AUNIP: variants seen among roughly 807,000 people sequenced by gnomAD.
AUNIP encodes aurora kinase A- and ninein-interacting protein.
A neutral mutation model predicts 12.2 loss-of-function variants in AUNIP; 16 were observed. The ratio of observed to expected loss-of-function variants is 1.31; its 90% CI spans 0.88 to 1.99. AUNIP has a LOEUF of 1.99. Ranked by LOEUF, AUNIP falls within the 30% of genes most tolerant of loss-of-function variation. The probability of loss-of-function intolerance (pLI) is 0.00; values close to 1 mark genes in which losing one functional copy is unlikely to be tolerated. For synonymous variants in AUNIP, 142 were observed against 154.8 expected, an observed-to-expected ratio of 0.92 and a Z score of 0.61; for missense variants, 411 against 419.1, an observed-to-expected ratio of 0.98 and a Z score of 0.17.
chr1:25,841,296 G>T (rs947758968), intron 1 of AUNIP, among the ~76,000 whole-genome samples: 5 of 152,192 alleles, frequency 3.3e-5, no homozygotes, highest in Non-Finnish European at 7.4e-5. Context: ...AATAAAGGCG[G>T]CTGTTTGTAT....
chr1:25,848,883 G>T (rs1028122885), intron 1 of AUNIP, among the ~76,000 whole-genome samples: 1 of 152,254 alleles, frequency 6.6e-6, no homozygotes, highest in African/African-American at 2.4e-5. Flanking sequence ...GACACCGGAA[G>T]ATTTAGGCTT....
rs1161281554 is a variant in AUNIP, at chr1:25,835,735, G to A, written c.332C>T (p.Ala111Val). 1.2e-6 allele frequency: 2 copies of A among 1,614,104 alleles called. No homozygotes were observed. The highest frequency in any genetic ancestry group is 1.7e-6 in the Non-Finnish European group (2 of 1,180,054). ...TAAAGGGGATGCCATGCAATCGTGT[G>A]CTAAGCCTGGGATCAAATGGTCTAG... is the stretch of plus-strand genomic sequence containing the variant. Reference protein sequence around the residue: ...TQLDHLIPGLAHDCMASPLAT... With the variant: ...TQLDHLIPGLVHDCMASPLAT... Residue 111 changes from alanine (A) to valine (V), a missense_variant, in exon 3 of 3, where the codon GCA (alanine) becomes GTA (valine). By Grantham distance (64) the Ala-to-Val change is moderately conservative (BLOSUM62 0). Transcript: ENST00000374298.
intron 1 of AUNIP, among the ~76,000 whole-genome samples, chr1:25,854,985 C>G (rs1198910257): frequency 3.3e-5 from 4 of 122,458 alleles, no homozygotes; most frequent in African/African-American, 3.4e-5. Flanking sequence ...GAGATGGGGT[C>G]TCACTCTATC....
downstream of AUNIP, among the ~76,000 whole-genome samples, chr1:25,833,267 A>C (rs2124490643): frequency 6.6e-6 from 1 of 152,060 alleles, no homozygotes; most frequent in African/African-American, 2.4e-5. Flanking sequence ...GGTATGCACC[A>C]CCACACCCAG....
At chr1:25,843,862 CA>C (rs35149398) in intron 1 of AUNIP, among the ~76,000 whole-genome samples, 42,577 of 148,244 alleles carry the variant, frequency 0.29, 7,489 homozygotes, top group African/African-American at 0.5. Flanking sequence ...AATAGATAAG[CA>C]AAAAAAAAAG....
At chr1:25,832,287 AAG>A, downstream of AUNIP, 1 of 1,058,690 alleles carries the variant, frequency 9.4e-7, no homozygotes, top group South Asian at 1.5e-5. Flanking sequence ...TTTAAAGGGT[AAG>A]AGAGAAGTTG....
intron 2 of AUNIP, 138 bp from the exon 3 acceptor site, chr1:25,835,984 T>C: frequency 7.6e-7 from 1 of 1,308,496 alleles, no homozygotes; most frequent in South Asian, 1.5e-5. Context: ...CATAACTTTG[T>C]AGCCAATCTT....
Position 25,834,860 on chromosome 1 carries a change from G to C in AUNIP, c.*133C>G, listed in dbSNP as rs1319915767. On this transcript the variant is annotated 3_prime_UTR_variant, in exon 3 of 3. Transcript: ENST00000374298. ...TACTGCCCTTTATTTACACAGAGAA[G>C]ATGCTCAGTAATGACAACTTCATCC... The C allele has an allele frequency of 6.7e-7, 1 of 1,497,010 alleles. No homozygotes were observed. Among genetic ancestry groups the C allele is most frequent in the Non-Finnish European group, 8.8e-7 (1 of 1,131,450 alleles). 92.7% of individuals were successfully genotyped at this position (1,497,010 alleles called of 1,614,324 possible).
In AUNIP at chr1:25,847,587, C is replaced by G. The variant is rs2048393276; in HGVS notation, c.79-10033G>C. Among the ~76,000 whole-genome samples the G allele has an allele frequency of 6.6e-6, 1 of 152,070 alleles. No homozygotes were observed. Among genetic ancestry groups the G allele is most frequent in the African/African-American group, 2.4e-5 (1 of 41,394 alleles). ...ACCTTAAAAAACATTTAAGCAATCCCCTACTAAGCCTATTTAGGTCCTTCT... is the reference window on the plus strand; with the variant it reads ...ACCTTAAAAAACATTTAAGCAATCCGCTACTAAGCCTATTTAGGTCCTTCT... On this transcript the variant is annotated intron_variant, in intron 1 of 2. Coordinates refer to ENST00000374298, the MANE Select transcript of AUNIP (RefSeq NM_024037.3). The surrounding 1 kb of genome is among the most constrained non-coding windows in gnomAD (Gnocchi z 4.2).
intron 1 of AUNIP, among the ~76,000 whole-genome samples, chr1:25,854,366 C>G (rs112214576): frequency 1.3e-5 from 2 of 152,250 alleles, no homozygotes; most frequent in African/African-American, 4.8e-5. Context: ...TACTTACATT[C>G]TTCCCATATG....
In AUNIP at chr1:25,847,579, A is replaced by G. The variant is rs1449672910; in HGVS notation, c.79-10025T>C. Among the ~76,000 whole-genome samples, 1 of 152,146 alleles carries G rather than the reference A, an allele frequency of 6.6e-6. No individual in the cohort carries two copies. The highest frequency in any genetic ancestry group is 1.9e-4 in the East Asian group (1 of 5,190). ...CACACCCGACCTTAAAAAACATTTAAGCAATCCCCTACTAAGCCTATTTAG... is the reference window on the plus strand; with the variant it reads ...CACACCCGACCTTAAAAAACATTTAGGCAATCCCCTACTAAGCCTATTTAG... On this transcript the variant is annotated intron_variant, in intron 1 of 2. Coordinates refer to ENST00000374298, the MANE Select transcript of AUNIP (RefSeq NM_024037.3). The surrounding 1 kb of genome is among the most constrained non-coding windows in gnomAD (Gnocchi z 4.2).
intron 1 of AUNIP, among the ~76,000 whole-genome samples, chr1:25,849,848 C>T (rs998207740): frequency 6.6e-6 from 1 of 152,058 alleles, no homozygotes; most frequent in African/African-American, 2.4e-5. Context: ...ATTGGCCAGG[C>T]TGGTCTTGAA....
chr1:25,835,055 T>C lies in AUNIP; in HGVS notation c.1012A>G (p.Lys338Glu). Residue 338 changes from lysine to glutamate, a missense_variant, in exon 3 of 3, where the codon AAG becomes GAG. Lys to Glu is a moderately conservative substitution (Grantham distance 56). Transcript: ENST00000374298. ...TCCTGGGTAAAGAGCAAATCAGGCTTCAGATTTTGAGTTGGCCCATCCTCC... is the reference window on the plus strand; with the variant it reads ...TCCTGGGTAAAGAGCAAATCAGGCTCCAGATTTTGAGTTGGCCCATCCTCC... Reference protein sequence around the residue: ...CQEDGPTQNLKPDLLFTQDSE... With the variant: ...CQEDGPTQNLEPDLLFTQDSE... 6.2e-7 allele frequency: 1 copy of C among 1,614,208 alleles called. No individual in the cohort carries two copies.
In AUNIP at chr1:25,859,295, C is replaced by A. The variant is rs1233867115; in HGVS notation, c.63G>T (p.Lys21Asn). 2 of 1,577,356 alleles carry A rather than the reference C, an allele frequency of 1.3e-6. No homozygotes were observed. Among genetic ancestry groups the A allele is most frequent in the South Asian group, 1.2e-5 (1 of 85,974 alleles). ...CGVWLDAAAL[K>N]RRKVQTHLIK... ...AGCGTCCCACCTGCACTTTCCGCCT[C>A]TTCAGCGCCGCCGCGTCCAGCCACA... The change falls in exon 1 of 3, where the codon AAG (lysine) becomes AAT (asparagine). Residue 21 changes from lysine to asparagine, a missense_variant. Physicochemically the swap from Lys to Asn is moderately conservative, Grantham distance 94. Transcript: ENST00000374298.
intron 1 of AUNIP, among the ~76,000 whole-genome samples, chr1:25,850,022 C>T (rs1395570947): frequency 4.6e-5 from 7 of 151,786 alleles, no homozygotes; most frequent in Admixed American, 1.3e-4. Flanking sequence ...TTATGAGAAA[C>T]GCTGCTAAGA....
chr1:25,857,447 C>A (rs2048471009), intron 1 of AUNIP, among the ~76,000 whole-genome samples: 1 of 150,720 alleles, frequency 6.6e-6, no homozygotes, highest in Admixed American at 6.6e-5. Flanking sequence ...CGGGGTTTCA[C>A]CATGTTGGCC....
chr1:25,837,440 T>C lies in AUNIP; in HGVS notation c.193A>G (p.Ile65Val), dbSNP rs557388889. 1 of 1,613,994 alleles carries C rather than the reference T, an allele frequency of 6.2e-7. No homozygotes were observed. The highest frequency in any genetic ancestry group is 1.3e-5 in the African/African-American group (1 of 75,034). The change falls in exon 2 of 3, where the codon ATT (isoleucine) becomes GTT (valine). Residue 65 changes from isoleucine (I) to valine (V), a missense_variant. Ile to Val is a conservative substitution (Grantham distance 29). Coordinates refer to ENST00000374298, the MANE Select transcript of AUNIP (RefSeq NM_024037.3). The stretch of plus-strand genomic sequence containing the variant: ...GGCTGCAAGGTGAAGAAGGAAGCAA[T>C]GCTTCTCTGGTGAATGCCTGTAGAT... The part of the protein sequence containing the change: ...APSTGIHQRS[I>V]ASFFTLQPGK...
At chr1:25,848,928 C>A (rs1557454492) in intron 1 of AUNIP, among the ~76,000 whole-genome samples, 1 of 152,216 alleles carries the variant, frequency 6.6e-6, no homozygotes, top group Admixed American at 6.5e-5. Context: ...TATACCCCTG[C>A]CATTGGCTGA....
chr1:25,834,244 A>G lies in AUNIP; in HGVS notation c.*749T>C. On this transcript the variant is annotated 3_prime_UTR_variant, in exon 3 of 3. Transcript: ENST00000374298. ...CACCTGGGTTGTGGGGAGATTTGCT[A>G]ATCACTGAAAAAAAAGGGTCAAGAG... is the stretch of plus-strand genomic sequence containing the variant. 1.3e-5 allele frequency: 13 copies of G among 985,294 alleles called. No individual in the cohort carries two copies. Among genetic ancestry groups the G allele is most frequent in the Non-Finnish European group, 1.6e-5 (13 of 829,890 alleles). 61.0% of individuals were successfully genotyped at this position (985,294 alleles called of 1,614,324 possible).
Sources: allele counts gnomAD v4.1 joint callset (sites outside exome capture counted in the v4.1 genomes callset), GRCh38; gene constraint gnomAD v4.1.1; non-coding constraint Gnocchi (gnomAD v3.1); transcripts MANE v1.5; gene names NCBI Gene and HGNC (gene_info 2026-07-23, HGNC 2026-07-21).